Variants in RASGRP3 observed in about 807,000 individuals in gnomAD.
RASGRP3 encodes RAS guanyl releasing protein 3.
RASGRP3 carries 54 observed loss-of-function variants against 82.7 expected under a neutral mutation model. That is an observed-to-expected ratio of 0.65 (90% CI 0.52 to 0.82). The LOEUF is 0.82. RASGRP3 is among the 40% of genes least tolerant of loss of function. The pLI is 0.00. For synonymous variants in RASGRP3, 309 were observed against 300.5 expected (o/e 1.03, Z -0.29); for missense variants, 861 against 828.9 (o/e 1.04, Z -0.48).
chr2:33,522,853 G>GA (rs2151025794), intron 7 of RASGRP3, among the ~76,000 whole-genome samples: 1 of 152,324 alleles, frequency 6.6e-6, no homozygotes, highest in South Asian at 2.1e-4. Context: ...ATTTCTGAAA[G>GA]ACTGATTCTT....
chr2:33,544,279 AC>A (rs1259992182), intron 13 of RASGRP3, among the ~76,000 whole-genome samples: 1 of 151,886 alleles, frequency 6.6e-6, no homozygotes, highest in African/African-American at 2.4e-5. Flanking sequence ...GCACCATTGC[AC>A]CCCAGTCTGG....
chr2:33,533,248 G>A (rs1158196173), intron 10 of RASGRP3: 4 of 152,104 alleles, frequency 2.6e-5, no homozygotes, highest in African/African-American at 9.7e-5. Context: ...GTTTATCCAT[G>A]TTCTCCAGCC....
chr2:33,540,560 G>GT (rs1674177546), intron 12 of RASGRP3, among the ~76,000 whole-genome samples: 2 of 12,806 alleles, frequency 1.6e-4, no homozygotes, highest in African/African-American at 1.0e-3. Context: ...TGTGTTTTGT[G>GT]TGTGTGTGTG....
At chr2:33,538,962 C>T in intron 11 of RASGRP3, 132 bp from the exon 12 acceptor site, 1 of 629,748 alleles carries the variant, frequency 1.6e-6, no homozygotes, top group Non-Finnish European at 2.8e-6. Flanking sequence ...TGGCTTGAGC[C>T]CAGGAGGCAG....
At chr2:33,521,577 T>C (rs1241849354) in intron 6 of RASGRP3, among the ~76,000 whole-genome samples, 1 of 152,248 alleles carries the variant, frequency 6.6e-6, no homozygotes, top group African/African-American at 2.4e-5. Context: ...ATAGTTCATG[T>C]TATACTAAAG....
chr2:33,497,788 T>C (rs892787113), intron 1 of RASGRP3, among the ~76,000 whole-genome samples: 7 of 152,216 alleles, frequency 4.6e-5, no homozygotes, highest in African/African-American at 1.7e-4. Flanking sequence ...TATCATTGAA[T>C]GGTTTGGGTG....
chr2:33,494,176 C>T (rs1669102602), intron 1 of RASGRP3, among the ~76,000 whole-genome samples: 1 of 152,180 alleles, frequency 6.6e-6, no homozygotes, highest in South Asian at 2.1e-4. Flanking sequence ...AAAAAATCCC[C>T]TTGAAAAGTG....
chr2:33,539,324 G>A (rs1574459926), intron 12 of RASGRP3, 114 bp downstream of exon 12: 1 of 842,840 alleles, frequency 1.2e-6, no homozygotes, highest in Non-Finnish European at 1.9e-6. Context: ...CCTCTGGCAG[G>A]TAGGAACAAT....
intron 2 of RASGRP3, among the ~76,000 whole-genome samples, chr2:33,465,731 T>C (rs1237795147): frequency 6.6e-6 from 1 of 152,182 alleles, no homozygotes; most frequent in Non-Finnish European, 1.5e-5. Flanking sequence ...AAGAAGTCCA[T>C]GTCTGGCTTC....
chr2:33,447,675 T>C (rs1333689093), intron 1 of RASGRP3: 2 of 152,266 alleles, frequency 1.3e-5, no homozygotes, highest in Non-Finnish European at 2.9e-5. Context: ...TTCGACCGCC[T>C]TGGCCTCTCA....
intron 17 of RASGRP3, among the ~76,000 whole-genome samples, chr2:33,561,126 G>A (rs899988935): frequency 2.0e-5 from 3 of 151,618 alleles, no homozygotes. Context: ...GAGTGCAGTG[G>A]CACAATCTTA....
intron 1 of RASGRP3, among the ~76,000 whole-genome samples, chr2:33,478,070 T>C (rs576629786): frequency 6.6e-6 from 1 of 152,202 alleles, no homozygotes; most frequent in East Asian, 1.9e-4. Flanking sequence ...TTGTGGAGAA[T>C]GGATTAAAAA....
chr2:33,474,230 G>A (rs1667226112), upstream of RASGRP3, among the ~76,000 whole-genome samples: 1 of 152,166 alleles, frequency 6.6e-6, no homozygotes, highest in African/African-American at 2.4e-5. Flanking sequence ...TCCAGTGTTG[G>A]AGGTGGAGCC....
intron 1 of RASGRP3, among the ~76,000 whole-genome samples, chr2:33,505,299 ATTTTT>A (rs747642159): frequency 7.0e-6 from 1 of 142,716 alleles, no homozygotes; most frequent in Non-Finnish European, 1.6e-5. Flanking sequence ...CGCAGACAGG[ATTTTT>A]TTTTTTTTTT....
chr2:33,520,063 C>T (rs759127605), intron 5 of RASGRP3, 49 bp downstream of exon 5: 28 of 1,433,956 alleles, frequency 2.0e-5, no homozygotes, highest in African/African-American at 2.8e-5. Flanking sequence ...GTTCTGGAAT[C>T]GTGGACAATT....
At chr2:33,509,957 A>G (rs1670778123) in intron 1 of RASGRP3, among the ~76,000 whole-genome samples, 1 of 152,242 alleles carries the variant, frequency 6.6e-6, no homozygotes, top group Admixed American at 6.5e-5. Context: ...ACTTTAAAAA[A>G]AAATCTCATG....
intron 10 of RASGRP3, 26 bp downstream of exon 10, chr2:33,527,438 G>C (rs756945946): frequency 1.9e-6 from 3 of 1,590,406 alleles, no homozygotes; most frequent in Non-Finnish European, 2.6e-6. Context: ...CCAAGTTTGG[G>C]CTCAATAATT....
intron 15 of RASGRP3, among the ~76,000 whole-genome samples, chr2:33,557,644 A>C (rs1334022950): frequency 6.6e-6 from 1 of 151,340 alleles, no homozygotes; most frequent in South Asian, 2.1e-4. Context: ...CGGGAGGCGG[A>C]GCTTGCAGTG....
intron 1 of RASGRP3, among the ~76,000 whole-genome samples, chr2:33,490,535 G>A (rs1668759622): frequency 6.6e-6 from 1 of 152,080 alleles, no homozygotes; most frequent in South Asian, 2.1e-4. Flanking sequence ...TCTATCCCTG[G>A]CCTCATGGCA....
Sources: allele counts gnomAD v4.1 joint callset (sites outside exome capture counted in the v4.1 genomes callset), GRCh38; gene constraint gnomAD v4.1.1; transcripts MANE v1.5; gene names NCBI Gene and HGNC (gene_info 2026-07-23, HGNC 2026-07-21).